Variants in DPYD observed in about 807,000 individuals in gnomAD.
DPYD encodes the protein dihydropyrimidine dehydrogenase, also known as dihydropyrimidine dehydrogenase [NADP(+)].
Under a neutral mutation model 116.2 loss-of-function variants are expected in DPYD, and 109 were observed. That is an observed-to-expected ratio of 0.94 (90% CI 0.80 to 1.10). The LOEUF (loss-of-function observed/expected upper bound fraction) is 1.10, where lower values mean the gene tolerates loss of function less well. Ranked by LOEUF, DPYD falls within the 50% of genes least tolerant of loss-of-function variation. DPYD has a pLI of 0.00. For synonymous variants in DPYD, 440 were observed against 432.0 expected (o/e 1.02, Z -0.23); for missense variants, 1,302 against 1,254.5 (o/e 1.04, Z -0.57).
chr1:97,662,525 C>T (rs542241015), intron 8 of DPYD, among the ~76,000 whole-genome samples: 10 of 151,840 alleles, frequency 6.6e-5, no homozygotes, highest in Admixed American at 3.3e-4. Flanking sequence ...CCCAGCTATT[C>T]GGGAAGCTGA....
chr1:97,866,188 C>A (rs1671367748), intron 2 of DPYD, among the ~76,000 whole-genome samples: 8 of 151,878 alleles, frequency 5.3e-5, no homozygotes, highest in Admixed American at 5.3e-4. Context: ...TTCTCCTAAC[C>A]ACCTTGCCAT....
intron 3 of DPYD, among the ~76,000 whole-genome samples, chr1:97,772,523 T>A (rs957015514): frequency 2.0e-5 from 3 of 152,178 alleles, no homozygotes; most frequent in Admixed American, 1.3e-4. Context: ...AGAAGTGTAA[T>A]TTCACAGGTT....
At chr1:97,829,734 A>G (rs553930724) in intron 2 of DPYD, among the ~76,000 whole-genome samples, 245 of 151,458 alleles carry the variant, frequency 1.6e-3, no homozygotes, top group Non-Finnish European at 3.0e-3. Flanking sequence ...TGCCAATCCT[A>G]CTGCAATCTT....
intron 20 of DPYD, among the ~76,000 whole-genome samples, chr1:97,164,337 G>T (rs1656151795): frequency 6.6e-6 from 1 of 152,020 alleles, no homozygotes; most frequent in South Asian, 2.1e-4. Flanking sequence ...AAGGGCAAAA[G>T]CTGACAGCAT....
intron 3 of DPYD, among the ~76,000 whole-genome samples, chr1:97,751,199 A>T (rs1256006253): frequency 1.3e-5 from 2 of 151,548 alleles, no homozygotes; most frequent in Non-Finnish European, 2.9e-5. Flanking sequence ...TGTGCTGGCA[A>T]AAGGGAGGAG....
intron 1 of DPYD, among the ~76,000 whole-genome samples, chr1:97,899,522 A>G (rs1200253632): frequency 2.0e-5 from 3 of 151,872 alleles, no homozygotes; most frequent in Non-Finnish European, 2.9e-5. Flanking sequence ...GGGTATTTAT[A>G]GTAAATCAAT....
At chr1:97,425,594 T>C (rs1454678931) in intron 14 of DPYD, among the ~76,000 whole-genome samples, 1 of 152,062 alleles carries the variant, frequency 6.6e-6, no homozygotes, top group Non-Finnish European at 1.5e-5. Context: ...TAGAAACAGA[T>C]GTCTACGAAG....
chr1:97,773,738 G>A (rs79748576), intron 3 of DPYD, among the ~76,000 whole-genome samples: 2,702 of 152,244 alleles, frequency 0.018, 85 homozygotes, highest in African/African-American at 0.062. Flanking sequence ...GAAGAGCCCA[G>A]CCACTGAGCT....
chr1:97,651,862 T>C (rs1039476040), intron 8 of DPYD, among the ~76,000 whole-genome samples: 1 of 152,230 alleles, frequency 6.6e-6, no homozygotes, highest in East Asian at 1.9e-4. Flanking sequence ...ACACATCAAA[T>C]TGCTAGAACA....
At chr1:97,178,450 AT>A (rs1443919557) in intron 20 of DPYD, among the ~76,000 whole-genome samples, 1 of 152,142 alleles carries the variant, frequency 6.6e-6, no homozygotes, top group Admixed American at 6.6e-5. Context: ...CATACCTTAC[AT>A]GGTGGCAGGC....
At chr1:97,339,012 A>G (rs756508185) in intron 16 of DPYD, among the ~76,000 whole-genome samples, 3 of 152,164 alleles carry the variant, frequency 2.0e-5, no homozygotes, top group Non-Finnish European at 4.4e-5. Context: ...AATAAAAATA[A>G]TAATTACTTG....
chr1:97,505,373 G>A (rs891455334), intron 13 of DPYD, among the ~76,000 whole-genome samples: 17 of 151,452 alleles, frequency 1.1e-4, no homozygotes, highest in African/African-American at 3.6e-4. Context: ...ACATATGCTC[G>A]GTTCTCTCAT....
At chr1:97,585,154 G>C (rs1356578865) in intron 10 of DPYD, among the ~76,000 whole-genome samples, 2 of 152,046 alleles carry the variant, frequency 1.3e-5, no homozygotes, top group East Asian at 1.9e-4. Context: ...CTTGAATCAA[G>C]GGCTGCACTA....
intron 18 of DPYD, among the ~76,000 whole-genome samples, chr1:97,249,745 T>C (rs1380127341): frequency 1.3e-5 from 2 of 152,078 alleles, no homozygotes; most frequent in Non-Finnish European, 2.9e-5. Flanking sequence ...AAACCAACAG[T>C]TAAAAGATTA....
At chr1:97,235,615 C>T (rs1411386510) in intron 18 of DPYD, among the ~76,000 whole-genome samples, 1 of 140,864 alleles carries the variant, frequency 7.1e-6, no homozygotes, top group Non-Finnish European at 1.5e-5. Context: ...CAGAGTGAGA[C>T]TCTGTCTCAA....
At chr1:97,641,873 CCTT>C (rs1557855943) in intron 8 of DPYD, among the ~76,000 whole-genome samples, 1 of 152,114 alleles carries the variant, frequency 6.6e-6, no homozygotes, top group Non-Finnish European at 1.5e-5. Flanking sequence ...CCCAAAATCT[CCTT>C]AAGCTGATAA....
chr1:97,560,841 G>C (rs984198722), intron 11 of DPYD, among the ~76,000 whole-genome samples: 1 of 152,160 alleles, frequency 6.6e-6, no homozygotes. Context: ...TCTTTGATGA[G>C]ATGCCATCAG....
chr1:97,132,319 T>A (rs943033351), intron 20 of DPYD, among the ~76,000 whole-genome samples: 1 of 152,152 alleles, frequency 6.6e-6, no homozygotes. Flanking sequence ...TCAAGTGATA[T>A]ACAAATGCCT....
intron 15 of DPYD, among the ~76,000 whole-genome samples, chr1:97,379,125 G>A (rs919138775): frequency 2.0e-5 from 3 of 152,138 alleles, no homozygotes; most frequent in African/African-American, 2.4e-5. Context: ...TACGTAGCCA[G>A]AGGCTCAGGA....
Sources: gnomAD v4.1 joint callset for allele counts (sites outside exome capture counted in the v4.1 genomes callset) on GRCh38, gnomAD v4.1.1 for gene constraint, MANE v1.5 for transcripts, NCBI Gene and HGNC (gene_info 2026-07-23, HGNC 2026-07-21) for gene names.